The following CA6 variants were observed in gnomAD, a reference collection of about 807,000 sequenced individuals.
CA6 encodes carbonate dehydratase VI.
A neutral mutation model predicts 35.9 loss-of-function variants in CA6; 28 were observed. The ratio of observed to expected loss-of-function variants is 0.78; its 90% CI spans 0.58 to 1.07. CA6 has a LOEUF of 1.07. Among genes scored for constraint, CA6 ranks in the 50% least tolerant of loss-of-function variants. The probability of loss-of-function intolerance (pLI) is 0.00; values close to 1 mark genes in which losing one functional copy is unlikely to be tolerated. For missense variants in CA6, 377 were observed against 382.0 expected, an observed-to-expected ratio of 0.99 and a Z score of 0.11; for synonymous variants, 148 against 152.6, an observed-to-expected ratio of 0.97 and a Z score of 0.22.
Position 8,962,674 on chromosome 1 carries a change from T to C in CA6, c.571+18T>C. The C allele has an allele frequency of 6.2e-7, 1 of 1,605,492 alleles. No individual in the cohort carries two copies. On this transcript the variant is annotated intron_variant, in intron 5 of 7. Transcript: ENST00000377443. ...GTACCCAGGTAAGGGAAGCCAACTG[T>C]GGCTGCAGGAGGGAAGGGGAATGAG...
intron 2 of CA6, among the ~76,000 whole-genome samples, chr1:8,954,572 A>G (rs1470012259): frequency 5.9e-5 from 9 of 152,068 alleles, no homozygotes; most frequent in Non-Finnish European, 1.0e-4. Context: ...CTGGATTGGG[A>G]CCGGTTTTTG....
rs528211626 is a variant in CA6, at chr1:8,964,163, C to T, written c.571+1507C>T. Among the ~76,000 whole-genome samples the T allele has an allele frequency of 5.3e-5, 8 of 152,308 alleles. No homozygotes were observed. The South Asian group carries it at 1.7e-3, about 32-fold the overall frequency. The stretch of plus-strand genomic sequence containing the variant: ...TCAACACCACCCCTCCCACGTGGGG[C>T]CCAACCCCACTCCTCTCCCATGCTC... On this transcript the variant is annotated intron_variant, in intron 5 of 7. Coordinates refer to ENST00000377443, the MANE Select transcript of CA6 (RefSeq NM_001215.4).
intron 7 of CA6, 92 bp from the exon 8 acceptor site, chr1:8,974,530 G>T (rs1027213548): frequency 2.1e-6 from 3 of 1,421,570 alleles, no homozygotes; most frequent in Admixed American, 4.3e-5. Flanking sequence ...CCAAAAATAC[G>T]ATGCGGGTAT....
chr1:8,968,625 A>T (rs1320200077), intron 6 of CA6, among the ~76,000 whole-genome samples: 1 of 152,206 alleles, frequency 6.6e-6, no homozygotes, highest in East Asian at 1.9e-4. Flanking sequence ...TAAAAGGTTT[A>T]AATATGAGAA....
intron 1 of CA6, 118 bp downstream of exon 1, chr1:8,946,083 G>C (rs569117258): frequency 1.5e-6 from 1 of 677,724 alleles, no homozygotes; most frequent in East Asian, 2.7e-5. Flanking sequence ...TGTTGCCCAG[G>C]CTTGAGTACA....
intron 6 of CA6, among the ~76,000 whole-genome samples, chr1:8,968,576 A>G (rs1264786030): frequency 1.3e-5 from 2 of 152,234 alleles, no homozygotes; most frequent in Non-Finnish European, 2.9e-5. Context: ...TTATCAGACA[A>G]TTAATATGAC....
At chr1:8,950,315 C>T (rs1569658955) in intron 2 of CA6, among the ~76,000 whole-genome samples, 2 of 151,990 alleles carry the variant, frequency 1.3e-5, no homozygotes, top group South Asian at 4.1e-4. Flanking sequence ...TTTACTTGTG[C>T]AGAATATCCT....
chr1:8,973,776 C>CT (rs1333695550), intron 7 of CA6, among the ~76,000 whole-genome samples: 1 of 17,242 alleles, frequency 5.8e-5, no homozygotes, highest in Non-Finnish European at 9.4e-5. Context: ...TTCTTTCTTT[C>CT]TTTCTTTCTT....
chr1:8,946,042 CTTT>C (rs879044243), intron 1 of CA6, 77 bp downstream of exon 1: 215 of 674,550 alleles, frequency 3.2e-4, no homozygotes, highest in Non-Finnish European at 3.7e-4. Context: ...TCTTCTTCTT[CTTT>C]TTTTTTTTTT....
intron 2 of CA6, among the ~76,000 whole-genome samples, chr1:8,950,954 G>A (rs1639514154): frequency 1.3e-5 from 2 of 152,206 alleles, no homozygotes; most frequent in South Asian, 4.1e-4. Flanking sequence ...GGTGGTTCAT[G>A]CCTGTAATCC....
intron 2 of CA6, among the ~76,000 whole-genome samples, chr1:8,955,896 G>T (rs1289776892): frequency 6.6e-6 from 1 of 152,200 alleles, no homozygotes; most frequent in African/African-American, 2.4e-5. Flanking sequence ...TTAAGAAAAT[G>T]TTCTTGTTTA....
At chr1:8,947,039 A>G (rs1204745446) in intron 1 of CA6, among the ~76,000 whole-genome samples, 3 of 151,942 alleles carry the variant, frequency 2.0e-5, no homozygotes, top group Non-Finnish European at 2.9e-5. Flanking sequence ...TCTGACCTCA[A>G]GTGATCCGCC....
intron 5 of CA6, among the ~76,000 whole-genome samples, chr1:8,966,895 C>T (rs1639981362): frequency 6.6e-6 from 1 of 152,194 alleles, no homozygotes; most frequent in African/African-American, 2.4e-5. Context: ...GCTTGGTTTC[C>T]AGCGGTTGTG....
At chr1:8,973,710 CTCTTTCTT>C (rs1173408031) in intron 7 of CA6, among the ~76,000 whole-genome samples, 1,517 of 106,162 alleles carry the variant, frequency 0.014, 47 homozygotes, top group Non-Finnish European at 0.02. Flanking sequence ...TTCTTTCTCT[CTCTTTCTT>C]TCTTTCTTTC....
At chr1:8,951,580 C>G (rs779622315) in intron 2 of CA6, 29 of 764,972 alleles carry the variant, frequency 3.8e-5, no homozygotes, top group Middle Eastern at 4.5e-4. Context: ...TTGCTGAGTG[C>G]GGGCTTCGTG....
chr1:8,967,854 C>A, intron 6 of CA6, 38 bp downstream of exon 6: 2 of 1,594,858 alleles, frequency 1.3e-6, no homozygotes, highest in Non-Finnish European at 1.7e-6. Flanking sequence ...TCTTCCCATT[C>A]GATTGCCTGG....
intron 7 of CA6, chr1:8,974,223 T>A (rs1453788473): frequency 1.7e-6 from 1 of 590,676 alleles, no homozygotes; most frequent in African/African-American, 1.9e-5. Flanking sequence ...CCCAGCGGGG[T>A]TGATATGATT....
rs1337052784 is a variant in CA6, at chr1:8,974,869, A to G, written c.*165A>G. On this transcript the variant is annotated 3_prime_UTR_variant, in exon 8 of 8. Transcript: ENST00000377443. ...TGGGATTCTGATTAAAAGAGGGGAA[A>G]CGATCATCCTGGACAGGAAGTGAGA... 1 of 523,368 alleles carries G rather than the reference A, an allele frequency of 1.9e-6. No individual in the cohort carries two copies. Among genetic ancestry groups the G allele is most frequent in the Non-Finnish European group, 3.3e-6 (1 of 300,268 alleles). The allele number at this position is 523,368 out of a possible 1,614,324, so 32.4% of individuals were successfully genotyped here. A position where few individuals can be genotyped will look rare whatever the true frequency, so the allele number is the denominator to read the frequency against.
chr1:8,958,665 G>GAA (rs1457185990), intron 3 of CA6, among the ~76,000 whole-genome samples: 2 of 152,180 alleles, frequency 1.3e-5, no homozygotes, highest in Non-Finnish European at 2.9e-5. Flanking sequence ...GTGTGGTCGG[G>GAA]AAATGGCCTC....
Sources: allele counts gnomAD v4.1 joint callset (sites outside exome capture counted in the v4.1 genomes callset), GRCh38; gene constraint gnomAD v4.1.1; transcripts MANE v1.5; gene names NCBI Gene and HGNC (gene_info 2026-07-23, HGNC 2026-07-21).